ZFR: variants seen among roughly 807,000 people sequenced by gnomAD.
ZFR encodes the protein zinc finger RNA-binding protein.
ZFR carries 19 observed loss-of-function variants against 130.7 expected under a neutral mutation model. The ratio of observed to expected loss-of-function variants is 0.15; its 90% confidence interval spans 0.10 to 0.21. ZFR has a LOEUF of 0.21. Ranked by LOEUF, ZFR falls within the 10% of genes least tolerant of loss-of-function variation. The probability of loss-of-function intolerance (pLI) is 1.00; values close to 1 mark genes in which losing one functional copy is unlikely to be tolerated. For missense variants in ZFR, 872 were observed against 1,321.5 expected (o/e 0.66, Z 5.27); for synonymous variants, 466 against 456.9 (o/e 1.02, Z -0.25).
At position 32,431,404 on chromosome 5, in the gene ZFR, T is replaced by C. The variant is rs1432681056; in HGVS notation, c.138-11301A>G. ...AACTTTAGACTAAGTGAAATATTCA[T>C]GTTAAATTTCTAGAGGAACCACTAC... On this transcript the variant is annotated intron_variant, in intron 2 of 19. Coordinates refer to ENST00000265069, the MANE Select transcript of ZFR (RefSeq NM_016107.5). Among the ~76,000 whole-genome samples the C allele has an allele frequency of 2.0e-5, 3 of 152,212 alleles. No homozygotes were observed. The East Asian group carries it at 5.8e-4, about 29-fold the overall frequency.
chr5:32,368,119 T>C (rs983028661), intron 17 of ZFR, among the ~76,000 whole-genome samples: 2 of 152,124 alleles, frequency 1.3e-5, no homozygotes, highest in African/African-American at 4.8e-5. Flanking sequence ...CAAAGACCTA[T>C]GTAAAACAAA....
Position 32,406,899 on chromosome 5 carries a change from AGGCAGCTGTTGCAGCAGCAGC to A in ZFR, c.886_906del (p.Ala296_Ala302del), listed in dbSNP as rs778993501. The A allele has an allele frequency of 3.7e-6, 6 of 1,613,310 alleles. No homozygotes were observed. The highest frequency in any genetic ancestry group is 1.3e-5 in the African/African-American group (1 of 74,946). On this transcript the variant is annotated inframe_deletion, in exon 6 of 20. Transcript: ENST00000265069. Reference sequence around the variant, plus strand: ...TTTTTAGTAAAGGTGGTCCCTGTCCAGGCAGCTGTTGCAGCAGCAGCAGCAGCTGCTGCTGCTGCCTGCTTC... The same window carrying A: ...TTTTTAGTAAAGGTGGTCCCTGTCCAAGCAGCTGCTGCTGCTGCCTGCTTC...
chr5:32,436,895 T>C (rs1754349191), intron 2 of ZFR, among the ~76,000 whole-genome samples: 3 of 152,218 alleles, frequency 2.0e-5, no homozygotes, highest in Non-Finnish European at 2.9e-5. Context: ...TACACTCGGT[T>C]TATGACATTT....
Position 32,430,079 on chromosome 5 carries a change from C to CAGAA in ZFR, c.138-9977_138-9976insTTCT, listed in dbSNP as rs376909635. 2.4e-3 allele frequency among the ~76,000 whole-genome samples: 172 copies of CAGAA among 70,286 alleles called. 2 individuals are homozygous for CAGAA. The Middle Eastern group carries it at 0.025, about 10-fold the overall frequency. The allele number at this position is 70,286 out of a possible 152,430, so 46.1% of individuals were successfully genotyped here. ...TGGGTGACAGAGTGAGACCCTATTTCAAAAAAAAAAAAAAAAAAAAAATCA... is the reference window on the plus strand; with the variant it reads ...TGGGTGACAGAGTGAGACCCTATTTCAGAAAAAAAAAAAAAAAAAAAAAAAATCA... On this transcript the variant is annotated intron_variant, in intron 2 of 19. Coordinates refer to ENST00000265069, the MANE Select transcript of ZFR (RefSeq NM_016107.5).
intron 17 of ZFR, among the ~76,000 whole-genome samples, chr5:32,374,247 T>C (rs1007244248): frequency 1.3e-5 from 2 of 152,226 alleles, no homozygotes; most frequent in Admixed American, 6.5e-5. Flanking sequence ...GGCTCACGCC[T>C]GTAATCCCAG....
intron 17 of ZFR, among the ~76,000 whole-genome samples, chr5:32,366,754 T>C (rs938519753): frequency 5.3e-5 from 8 of 152,168 alleles, no homozygotes; most frequent in African/African-American, 1.9e-4. Flanking sequence ...GTAAAGGGTC[T>C]TGGAGGCTAT....
At chr5:32,390,198 G>T (rs1010317256) in intron 12 of ZFR, 77 bp downstream of exon 12, 1 of 1,506,234 alleles carries the variant, frequency 6.6e-7, no homozygotes, top group Non-Finnish European at 9.0e-7. Flanking sequence ...CTAAACATTA[G>T]CCCCTCCAAA....
At chr5:32,369,002 G>C (rs1752604711) in intron 17 of ZFR, among the ~76,000 whole-genome samples, 1 of 152,162 alleles carries the variant, frequency 6.6e-6, no homozygotes, top group Non-Finnish European at 1.5e-5. Flanking sequence ...TTTGCAGGTT[G>C]TTGCATTTTT....
Position 32,390,658 on chromosome 5 carries a change from A to G in ZFR, c.1980-221T>C, listed in dbSNP as rs953317264. Among the ~76,000 whole-genome samples, 3 of 152,202 alleles carry G rather than the reference A, an allele frequency of 2.0e-5. 1 individual carries two copies. Among genetic ancestry groups the G allele is most frequent in the South Asian group, 4.1e-4 (2 of 4,830 alleles). ...AAATTTCAGCCTGAGGAAAAAGTAAAAAGAACAGGCATCAGAAACCTCAGT... is the reference window on the plus strand; with the variant it reads ...AAATTTCAGCCTGAGGAAAAAGTAAGAAGAACAGGCATCAGAAACCTCAGT... On this transcript the variant is annotated intron_variant, in intron 11 of 19. Transcript: ENST00000265069.
chr5:32,361,667 A>G (rs899081254), intron 19 of ZFR, among the ~76,000 whole-genome samples: 1 of 136,356 alleles, frequency 7.3e-6, no homozygotes, highest in Non-Finnish European at 1.5e-5. Flanking sequence ...TGCCCAGGCT[A>G]GAGTGCAATG....
Position 32,400,696 on chromosome 5 carries a change from C to T in ZFR, c.1517-493G>A, listed in dbSNP as rs188754147. ...GGGGGAACATGGCAAAACCTGGTCA[C>T]TACAAAAATTAGCTGGATGTGATGG... On this transcript the variant is annotated intron_variant, in intron 8 of 19. Coordinates refer to ENST00000265069, the MANE Select transcript of ZFR (RefSeq NM_016107.5). Among the ~76,000 whole-genome samples, 6 of 152,200 alleles carry T rather than the reference C, an allele frequency of 3.9e-5. No homozygotes were observed. In the East Asian group the frequency reaches 1.2e-3, roughly 29 times the overall value.
chr5:32,384,173 C>T (rs1052206376), intron 15 of ZFR, among the ~76,000 whole-genome samples: 1 of 152,126 alleles, frequency 6.6e-6, no homozygotes, highest in African/African-American at 2.4e-5. Flanking sequence ...TCATTTTACA[C>T]TAAATACAGC....
Position 32,398,290 on chromosome 5 carries a change from C to T in ZFR, c.1714-952G>A, listed in dbSNP as rs550149016. ...TTGTTCTTGAAAATGAAGATAACGA[C>T]GAATAATAGCATTATTTTGGTATAC... is the stretch of plus-strand genomic sequence containing the variant. On this transcript the variant is annotated intron_variant, in intron 9 of 19. Coordinates refer to ENST00000265069, the MANE Select transcript of ZFR (RefSeq NM_016107.5). 7.9e-5 allele frequency among the ~76,000 whole-genome samples: 12 copies of T among 152,184 alleles called. No homozygotes were observed. In the East Asian group the frequency reaches 9.7e-4, roughly 12 times the overall value.
chr5:32,444,232 T>C lies in ZFR; in HGVS notation c.134A>G (p.Tyr45Cys). Reference protein sequence around the residue: ...GAAAAAAAAQYSQQPASGVAY... With the variant: ...GAAAAAAAAQCSQQPASGVAY... ...AGAGAAGGCAGGATGCCGTTACCTA[T>C]ATTGGGCCGCAGCCGCCGCCGCCGC... The change falls in exon 2 of 20, where the codon TAT becomes TGT. Residue 45 changes from tyrosine (Y) to cysteine (C), a missense_variant. By Grantham distance (194) the Tyr-to-Cys change is radical (BLOSUM62 -2). Coordinates refer to ENST00000265069, the MANE Select transcript of ZFR (RefSeq NM_016107.5). The C allele has an allele frequency of 6.3e-7, 1 of 1,592,934 alleles. No individual in the cohort carries two copies.
intron 17 of ZFR, among the ~76,000 whole-genome samples, chr5:32,369,474 A>G (rs779490097): frequency 2.8e-5 from 4 of 143,858 alleles, no homozygotes; most frequent in South Asian, 2.1e-4. Flanking sequence ...TACATTTGAT[A>G]TATCATTCTT....
chr5:32,411,226 G>C (rs1753698408), intron 5 of ZFR, among the ~76,000 whole-genome samples: 1 of 152,210 alleles, frequency 6.6e-6, no homozygotes, highest in African/African-American at 2.4e-5. Context: ...TGTGTTCAAA[G>C]ACGAATGAGA....
chr5:32,439,924 G>A (rs1018471271), intron 2 of ZFR, among the ~76,000 whole-genome samples: 6 of 149,862 alleles, frequency 4.0e-5, no homozygotes, highest in Non-Finnish European at 7.4e-5. Context: ...TATATGCCAC[G>A]AATTCTCCTC....
chr5:32,418,959 C>G (rs1753892959), intron 3 of ZFR, among the ~76,000 whole-genome samples: 1 of 152,034 alleles, frequency 6.6e-6, no homozygotes, highest in Admixed American at 6.6e-5. Context: ...TAAGAGGCAA[C>G]TGGATGAATA....
At chr5:32,366,927 A>G (rs1752560685) in intron 17 of ZFR, among the ~76,000 whole-genome samples, 1 of 145,814 alleles carries the variant, frequency 6.9e-6, no homozygotes, top group African/African-American at 2.5e-5. Flanking sequence ...TGTTGCCAGG[A>G]TGGAGTGCAG....
Sources: gnomAD v4.1 joint callset for allele counts (sites outside exome capture counted in the v4.1 genomes callset) on GRCh38, gnomAD v4.1.1 for gene constraint, MANE v1.5 for transcripts, NCBI Gene and HGNC (gene_info 2026-07-23, HGNC 2026-07-21) for gene names.